The following GATB variants were observed in gnomAD, a reference collection of about 807,000 sequenced individuals.
GATB encodes glutamyl-tRNA amidotransferase subunit B.
In GATB, 39 loss-of-function variants were observed where a neutral mutation model predicts 62.3. The observed-to-expected ratio is 0.63, with a 90% CI of 0.48 to 0.82. The LOEUF (loss-of-function observed/expected upper bound fraction) is 0.82. Ranked by LOEUF, GATB falls within the 40% of genes least tolerant of loss-of-function variation. GATB has a pLI of 0.00. For missense variants in GATB, 670 were observed against 684.0 expected, an observed-to-expected ratio of 0.98 and a Z score of 0.23; for synonymous variants, 276 against 258.9, an observed-to-expected ratio of 1.07 and a Z score of -0.63.
chr4:151,693,357 GCTTTT>G (rs1046570439), intron 9 of GATB, among the ~76,000 whole-genome samples: 2 of 152,166 alleles, frequency 1.3e-5, no homozygotes, highest in African/African-American at 4.8e-5. Context: ...TGCCCCTTCT[GCTTTT>G]CACAGAAACA....
chr4:151,713,114 A>T (rs1346605552), intron 5 of GATB, among the ~76,000 whole-genome samples: 2 of 152,064 alleles, frequency 1.3e-5, no homozygotes, highest in Non-Finnish European at 2.9e-5. Context: ...TGTGCTCCTT[A>T]TAAGAATCTA....
At chr4:151,703,448 T>G (rs944985875) in intron 8 of GATB, 1 of 208,228 alleles carries the variant, frequency 4.8e-6, no homozygotes, top group African/African-American at 2.3e-5. Flanking sequence ...ACCATCAACA[T>G]ACGCTATCAA....
At chr4:151,681,889 C>T (rs1308944552) in intron 10 of GATB, among the ~76,000 whole-genome samples, 1 of 152,108 alleles carries the variant, frequency 6.6e-6, no homozygotes. Context: ...GGGTGCTAAT[C>T]CCATTCATAA....
intron 9 of GATB, among the ~76,000 whole-genome samples, chr4:151,690,915 C>G (rs1183113531): frequency 2.6e-5 from 4 of 152,186 alleles, no homozygotes; most frequent in Non-Finnish European, 5.9e-5. Flanking sequence ...TGCAGCCACC[C>G]AGGAAATGAT....
At position 151,730,475 on chromosome 4, in the gene GATB, AT is replaced by A. The variant is rs1272102755; in HGVS notation, c.328-10938del. Among the ~76,000 whole-genome samples the A allele has an allele frequency of 6.6e-6, 1 of 152,220 alleles. No individual in the cohort carries two copies. Among genetic ancestry groups the A allele is most frequent in the African/African-American group, 2.4e-5 (1 of 41,450 alleles). On this transcript the variant is annotated intron_variant, in intron 2 of 12. Transcript: ENST00000263985. This position sits in a 1 kb window ranked among gnomAD's most constrained non-coding sequence, Gnocchi z 4.1. ...TGGCAGAAGGCCAACCAGCACAAAA[AT>A]AAAGCATTAAACCACCAAAGCTAAG...
chr4:151,677,831 G>C (rs971948640), intron 11 of GATB: 4 of 151,982 alleles, frequency 2.6e-5, no homozygotes, highest in African/African-American at 9.7e-5. Flanking sequence ...AAAATATCCA[G>C]ATAAAATGCT....
chr4:151,676,866 G>A (rs1738017700), intron 11 of GATB, among the ~76,000 whole-genome samples: 1 of 152,222 alleles, frequency 6.6e-6, no homozygotes, highest in African/African-American at 2.4e-5. Flanking sequence ...CAGGACACCT[G>A]GGAGGAGGGT....
intron 5 of GATB, among the ~76,000 whole-genome samples, chr4:151,713,557 G>A (rs992187903): frequency 6.6e-6 from 1 of 152,206 alleles, no homozygotes; most frequent in East Asian, 1.9e-4. Context: ...TTCCTCTTTG[G>A]TTTCTTCTTT....
intron 9 of GATB, among the ~76,000 whole-genome samples, chr4:151,699,827 T>A (rs1486236575): frequency 6.6e-6 from 1 of 152,218 alleles, no homozygotes; most frequent in African/African-American, 2.4e-5. Flanking sequence ...AATTTCTCTA[T>A]GAAATCACAT....
chr4:151,756,659 T>C (rs1739836586), intron 2 of GATB, among the ~76,000 whole-genome samples: 1 of 152,232 alleles, frequency 6.6e-6, no homozygotes, highest in Non-Finnish European at 1.5e-5. Context: ...AGCCAAGCTC[T>C]CAACACTCAA....
intron 3 of GATB, among the ~76,000 whole-genome samples, chr4:151,719,188 G>C (rs370618597): frequency 6.6e-6 from 1 of 152,196 alleles, no homozygotes; most frequent in Non-Finnish European, 1.5e-5. Context: ...AATTATGAGC[G>C]AGCCACCAGA....
chr4:151,728,459 T>C (rs1739180789), intron 2 of GATB, among the ~76,000 whole-genome samples: 1 of 152,202 alleles, frequency 6.6e-6, no homozygotes, highest in South Asian at 2.1e-4. Flanking sequence ...GCCAAGATCT[T>C]TAGTGAAGAA....
At chr4:151,672,362 G>A (rs955874149) in intron 12 of GATB, among the ~76,000 whole-genome samples, 1 of 152,084 alleles carries the variant, frequency 6.6e-6, no homozygotes, top group Non-Finnish European at 1.5e-5. Flanking sequence ...TACTCTCCCT[G>A]CTCTGCCGGC....
chr4:151,746,714 G>C (rs1050426146), intron 2 of GATB, among the ~76,000 whole-genome samples: 1 of 152,104 alleles, frequency 6.6e-6, no homozygotes, highest in Non-Finnish European at 1.5e-5. Flanking sequence ...AAAATAAAAA[G>C]ATCCTAAAAA....
chr4:151,708,087 C>T lies in GATB; in HGVS notation c.778G>A (p.Val260Met). 6.2e-7 allele frequency: 1 copy of T among 1,612,640 alleles called. No homozygotes were observed. Among genetic ancestry groups the T allele is most frequent in the East Asian group, 2.2e-5 (1 of 44,874 alleles). ...QANMAEGQLR[V>M]DANISVHHPG... ...TGATGCACGGATATATTGGCATCCA[C>T]TCTCAACTGGCCCTCTGGAAGGAGA... Residue 260 changes from valine to methionine, a missense_variant, in exon 6 of 13, where the codon GTG (valine) becomes ATG (methionine). Transcript: ENST00000263985.
chr4:151,750,727 TCAAGTG>T (rs1213257664), intron 2 of GATB, among the ~76,000 whole-genome samples: 1 of 151,084 alleles, frequency 6.6e-6, no homozygotes, highest in Non-Finnish European at 1.5e-5. Context: ...CCTCCCAAGC[TCAAGTG>T]ATCCTCCCAC....
At chr4:151,686,259 A>G (rs1031836085) in intron 10 of GATB, among the ~76,000 whole-genome samples, 2 of 152,062 alleles carry the variant, frequency 1.3e-5, no homozygotes, top group African/African-American at 4.8e-5. Context: ...CAGTGAGGAA[A>G]CTGAGGGTCA....
chr4:151,723,338 G>C (rs1004320088), intron 2 of GATB: 1 of 152,182 alleles, frequency 6.6e-6, no homozygotes. Context: ...TTTGGTCAGG[G>C]TGACACATGG....
chr4:151,709,798 T>C (rs116237526), intron 5 of GATB, among the ~76,000 whole-genome samples: 1,921 of 152,288 alleles, frequency 0.013, 40 homozygotes, highest in African/African-American at 0.044. Flanking sequence ...GGGTTCATCA[T>C]TCCTGCTGTT....
Sources: allele counts gnomAD v4.1 joint callset (sites outside exome capture counted in the v4.1 genomes callset), GRCh38; gene constraint gnomAD v4.1.1; non-coding constraint Gnocchi (gnomAD v3.1); transcripts MANE v1.5; gene names NCBI Gene and HGNC (gene_info 2026-07-23, HGNC 2026-07-21).